Variants in TMED3 observed in about 807,000 individuals in gnomAD.
The protein encoded by TMED3 is transmembrane p24 trafficking protein 3.
In TMED3, 9 loss-of-function variants were observed where a neutral mutation model predicts 15.0. The observed-to-expected ratio is 0.60, with a 90% CI of 0.36 to 1.04. The LOEUF is 1.04. TMED3 is among the 50% of genes least tolerant of loss of function. TMED3 has a pLI of 0.01. For missense variants in TMED3, 267 were observed against 278.9 expected, an observed-to-expected ratio of 0.96 and a Z score of 0.30; for synonymous variants, 117 against 121.4, an observed-to-expected ratio of 0.96 and a Z score of 0.24.
chr15:79,349,983 A>G (rs1053717595), intron 2 of TMED3, among the ~76,000 whole-genome samples: 5 of 151,906 alleles, frequency 3.3e-5, no homozygotes, highest in Non-Finnish European at 5.9e-5. Flanking sequence ...ATCCCTCTCT[A>G]TTTTCTTCCT....
At position 79,347,598 on chromosome 15, in the gene TMED3, G is replaced by A. The variant is rs181625927; in HGVS notation, c.417+33593G>A. ...GAAGGGAGGAAGTCAAACTATCCTT[G>A]TTTGCAGATGACATGATACTATATC... On this transcript the variant is annotated intron_variant, in intron 2 of 2. Transcript: ENST00000424155. 1.5e-3 allele frequency among the ~76,000 whole-genome samples: 235 copies of A among 152,256 alleles called. 3 individuals are homozygous for A. The highest frequency in any genetic ancestry group is 5.1e-3 in the African/African-American group (213 of 41,558).
chr15:79,400,152 C>G (rs1893815360), intron 2 of TMED3, among the ~76,000 whole-genome samples: 1 of 152,214 alleles, frequency 6.6e-6, no homozygotes, highest in Admixed American at 6.5e-5. Context: ...TTTGCATCTG[C>G]TCTTTCCTTT....
chr15:79,323,348 T>C (rs997460575), downstream of TMED3, among the ~76,000 whole-genome samples: 3 of 152,184 alleles, frequency 2.0e-5, no homozygotes, highest in Non-Finnish European at 4.4e-5. Context: ...CGTTAATGCA[T>C]TGTAGGAAAG....
chr15:79,332,800 T>G (rs118118616), intron 2 of TMED3, among the ~76,000 whole-genome samples: 1 of 152,208 alleles, frequency 6.6e-6, no homozygotes, highest in Non-Finnish European at 1.5e-5. Context: ...TCTGATCTAG[T>G]GTTTATGATG....
At chr15:79,347,911 T>C (rs1341267773) in intron 2 of TMED3, among the ~76,000 whole-genome samples, 1 of 152,068 alleles carries the variant, frequency 6.6e-6, no homozygotes, top group African/African-American at 2.4e-5. Context: ...AAAACTCTTA[T>C]ACCCAAAAAA....
intron 2 of TMED3, among the ~76,000 whole-genome samples, chr15:79,339,052 C>A (rs2058839214): frequency 6.6e-6 from 1 of 152,212 alleles, no homozygotes; most frequent in South Asian, 2.1e-4. Flanking sequence ...TGCTCCTAGT[C>A]TGCCTTCATG....
In TMED3 at chr15:79,314,500, C is replaced by A. The variant is rs539204154; in HGVS notation, c.417+495C>A. 115 of 453,964 alleles carry A rather than the reference C, an allele frequency of 2.5e-4. 1 individual carries two copies. Among genetic ancestry groups the A allele is most frequent in the South Asian group, 1.8e-3 (114 of 64,502 alleles). The allele number at this position is 453,964 out of a possible 1,614,324, so 28.1% of individuals were successfully genotyped here. The stretch of plus-strand genomic sequence containing the variant: ...TTCCTCCATGGTGTGACTCAGGAAT[C>A]CAGGCTCATTCTTTCTTGTCATCTT... On this transcript the variant is annotated intron_variant, in intron 2 of 2. Coordinates refer to ENST00000299705, the MANE Select transcript of TMED3 (RefSeq NM_007364.4).
chr15:79,313,756 G>C lies in TMED3; in HGVS notation c.169-1G>C. 1 of 1,612,070 alleles carries C rather than the reference G, an allele frequency of 6.2e-7. No homozygotes were observed. Among genetic ancestry groups the C allele is most frequent in the Admixed American group, 1.7e-5 (1 of 59,912 alleles). ...AACAGCAATTTTTTTATGGTTGTCA[G>C]GTCATCACTGGAGGCCACTACGATG... On this transcript the variant is annotated splice_acceptor_variant, in intron 1 of 2. Transcript: ENST00000299705. LOFTEE classifies it high-confidence loss of function.
At chr15:79,325,956 C>G (rs975017652), downstream of TMED3, among the ~76,000 whole-genome samples, 3 of 152,126 alleles carry the variant, frequency 2.0e-5, no homozygotes, top group African/African-American at 7.2e-5. Context: ...GTGGGTCATC[C>G]TCTCCCAGTC....
intron 2 of TMED3, among the ~76,000 whole-genome samples, chr15:79,365,922 C>T (rs951368317): frequency 1.3e-5 from 2 of 152,182 alleles, no homozygotes; most frequent in Non-Finnish European, 2.9e-5. Context: ...TTCTGAAGAA[C>T]AAGTCAGAGA....
At chr15:79,362,975 T>C (rs12905004) in intron 2 of TMED3, among the ~76,000 whole-genome samples, 60,537 of 152,110 alleles carry the variant, frequency 0.4, 13,697 homozygotes, top group Middle Eastern at 0.64. Context: ...TCAGATAATG[T>C]AGCATTTCCA....
At chr15:79,350,406 G>A (rs532387816) in intron 2 of TMED3, among the ~76,000 whole-genome samples, 17 of 152,292 alleles carry the variant, frequency 1.1e-4, no homozygotes, top group African/African-American at 4.1e-4. Context: ...AGCCAACAGT[G>A]CAGCCTTCAG....
At chr15:79,333,824 T>C (rs2058818147) in intron 2 of TMED3, among the ~76,000 whole-genome samples, 1 of 152,112 alleles carries the variant, frequency 6.6e-6, no homozygotes, top group South Asian at 2.1e-4. Context: ...CAAATGACAA[T>C]ATAATATTTC....
At chr15:79,357,062 A>G (rs1355023044) in intron 2 of TMED3, among the ~76,000 whole-genome samples, 2 of 152,228 alleles carry the variant, frequency 1.3e-5, no homozygotes, top group Non-Finnish European at 2.9e-5. Flanking sequence ...ATGAACAAAC[A>G]TATAAACATA....
chr15:79,411,717 A>AC (rs1893983690), exon 3 of TMED3: 5 of 512,116 alleles, frequency 9.8e-6, no homozygotes, highest in Non-Finnish European at 1.8e-5. Context: ...CTCCTTGACC[A>AC]CCACAGACAC....
At chr15:79,328,212 T>C (rs771846290) in intron 2 of TMED3, among the ~76,000 whole-genome samples, 12 of 152,130 alleles carry the variant, frequency 7.9e-5, no homozygotes, top group Non-Finnish European at 1.5e-4. Flanking sequence ...GGTTGTATGA[T>C]ATAGGAGGAA....
At chr15:79,406,766 A>AC (rs904881648) in intron 2 of TMED3, among the ~76,000 whole-genome samples, 4 of 151,818 alleles carry the variant, frequency 2.6e-5, no homozygotes, top group Admixed American at 6.6e-5. Context: ...CATTTATCTT[A>AC]CCCCCCGCAG....
At chr15:79,373,258 C>T (rs1347009119) in intron 2 of TMED3, among the ~76,000 whole-genome samples, 2 of 152,202 alleles carry the variant, frequency 1.3e-5, no homozygotes, top group Middle Eastern at 3.2e-3. Flanking sequence ...GAAAGGGCTG[C>T]ATTTTCAACA....
intron 2 of TMED3, among the ~76,000 whole-genome samples, chr15:79,344,013 A>C (rs1226250265): frequency 1.3e-5 from 2 of 152,226 alleles, no homozygotes; most frequent in African/African-American, 4.8e-5. Context: ...TTGAGATTCC[A>C]TAAATATGTA....
Sources: gnomAD v4.1 joint callset for allele counts (sites outside exome capture counted in the v4.1 genomes callset) on GRCh38, gnomAD v4.1.1 for gene constraint, MANE v1.5 for transcripts, NCBI Gene and HGNC (gene_info 2026-07-23, HGNC 2026-07-21) for gene names.